The following ZNF605 variants were observed in gnomAD, a reference collection of about 807,000 sequenced individuals.
ZNF605 encodes zinc finger protein 605.
ZNF605 carries 9 observed loss-of-function variants against 7.9 expected under a neutral mutation model. The ratio of observed to expected loss-of-function variants is 1.14; its 90% CI spans 0.68 to 1.98. ZNF605 has a LOEUF of 1.98. ZNF605 is among the 30% of genes most tolerant of loss of function. The pLI is 0.00. For missense variants in ZNF605, 673 were observed against 762.4 expected (o/e 0.88, Z 1.38); for synonymous variants, 255 against 260.1 (o/e 0.98, Z 0.19).
At chr12:132,939,458 G>A (rs1952408961) in intron 3 of ZNF605, among the ~76,000 whole-genome samples, 1 of 152,160 alleles carries the variant, frequency 6.6e-6, no homozygotes, top group Admixed American at 6.5e-5. Context: ...TTTTGCTCAA[G>A]GTTTGTGAAT....
At position 132,925,900 on chromosome 12, in the gene ZNF605, GTGATA is replaced by G; in HGVS notation, c.1394_1398del (p.Ile465ThrfsTer8). 4 of 1,614,158 alleles carry G rather than the reference GTGATA, an allele frequency of 2.5e-6. No individual in the cohort carries two copies. The highest frequency in any genetic ancestry group is 3.4e-6 in the Non-Finnish European group (4 of 1,180,012). On this transcript the variant is annotated frameshift_variant, in exon 5 of 5. Transcript: ENST00000360187. LOFTEE classifies it low-confidence loss of function (END_TRUNC). The stretch of plus-strand genomic sequence containing the variant: ...TTCTCACCTGTATGTGTTCTCTGAT[GTGATA>G]TCAGGCTTGACTTCTGGGTGAAGGC...
intron 4 of ZNF605, chr12:132,932,812 A>T: frequency 6.5e-7 from 1 of 1,533,868 alleles, no homozygotes; most frequent in Non-Finnish European, 8.7e-7. Context: ...AAACCTGTCG[A>T]TTGGAAACAC....
rs1952186990 is a variant in ZNF605, at chr12:132,919,754, T to C, written c.*5619A>G. The C allele has an allele frequency of 6.6e-6, 1 of 152,164 alleles. No individual in the cohort carries two copies. Among genetic ancestry groups the C allele is most frequent in the African/African-American group, 2.4e-5 (1 of 41,442 alleles). The allele number at this position is 152,164 out of a possible 1,614,324, so 9.4% of individuals were successfully genotyped here. A position where few individuals can be genotyped will look rare whatever the true frequency, so the allele number is the denominator to read the frequency against. ...GTCCCTTCACTTACATTTCTTTTCA[T>C]CTTAACAGTGAATGCCTCGATAGCT... On this transcript the variant is annotated 3_prime_UTR_variant, in exon 5 of 5. Coordinates refer to ENST00000360187, the MANE Select transcript of ZNF605 (RefSeq NM_183238.4).
At position 132,934,211 on chromosome 12, in the gene ZNF605, G is replaced by A. The variant is rs1466654072; in HGVS notation, c.16-1056C>T. 3.3e-5 allele frequency among the ~76,000 whole-genome samples: 5 copies of A among 151,862 alleles called. No homozygotes were observed. In the East Asian group the frequency reaches 7.8e-4, roughly 24 times the overall value. On this transcript the variant is annotated intron_variant, in intron 3 of 4. Coordinates refer to ENST00000360187, the MANE Select transcript of ZNF605 (RefSeq NM_183238.4). Reference sequence around the variant, plus strand: ...GGAGAATCACTTGAACCTGGGAGGTGGAGGTTGCAGTGAGCCAAGATCGTG... The same window carrying A: ...GGAGAATCACTTGAACCTGGGAGGTAGAGGTTGCAGTGAGCCAAGATCGTG...
rs2137133383 is a variant in ZNF605, at chr12:132,933,073, T to C, written c.98A>G (p.Asp33Gly). 1 of 1,610,536 alleles carries C rather than the reference T, an allele frequency of 6.2e-7. No homozygotes were observed. Residue 33 changes from aspartate to glycine, a missense_variant, in exon 4 of 5, where the codon GAT becomes GGT. By Grantham distance (94) the Asp-to-Gly change is moderately conservative. Transcript: ENST00000360187. This position sits in a 1 kb window ranked among gnomAD's most constrained non-coding sequence, Gnocchi z 4.4. Reference protein sequence around the residue: ...LNPTQKNLYRDVMLENYSNLV... With the variant: ...LNPTQKNLYRGVMLENYSNLV... Reference sequence around the variant, plus strand: ...ATTGCTATAGTTCTCCAACATCACATCTCTGTACAAGTTCTTCTGAGTAGG... The same window carrying C: ...ATTGCTATAGTTCTCCAACATCACACCTCTGTACAAGTTCTTCTGAGTAGG...
chr12:132,932,189 C>T (rs1305359892), intron 4 of ZNF605, among the ~76,000 whole-genome samples: 2 of 152,052 alleles, frequency 1.3e-5, no homozygotes, highest in Admixed American at 6.6e-5. Flanking sequence ...AAGTGACTGT[C>T]GTGCCCTGCC....
At chr12:132,949,954 C>A (rs796392745) in intron 1 of ZNF605, among the ~76,000 whole-genome samples, 3 of 152,122 alleles carry the variant, frequency 2.0e-5, no homozygotes, top group African/African-American at 7.2e-5. Flanking sequence ...GGCAGATTCT[C>A]GAGAAAAAAC....
At chr12:132,944,033 A>G (rs1449101556) in intron 3 of ZNF605, among the ~76,000 whole-genome samples, 1 of 152,164 alleles carries the variant, frequency 6.6e-6, no homozygotes, top group Non-Finnish European at 1.5e-5. Context: ...AATAATATTG[A>G]TTCTTATAAA....
Position 132,926,832 on chromosome 12 carries a change from G to A in ZNF605, c.467C>T (p.Pro156Leu), listed in dbSNP as rs1416667315. The A allele has an allele frequency of 1.2e-6, 2 of 1,614,174 alleles. No individual in the cohort carries two copies. Among genetic ancestry groups the A allele is most frequent in the Admixed American group, 3.3e-5 (2 of 60,018 alleles). The change falls in exon 5 of 5, where the codon CCA (proline) becomes CTA (leucine). Residue 156 changes from proline (P) to leucine (L), a missense_variant. By Grantham distance (98) the Pro-to-Leu change is moderately conservative (BLOSUM62 -3). Coordinates refer to ENST00000360187, the MANE Select transcript of ZNF605 (RefSeq NM_183238.4). ...STCRKSSNEE[P>L]WLTANHITHT... Reference sequence around the variant, plus strand: ...TGTTATGTGATTAGCAGTGAGCCATGGCTCTTCGTTGCTGGATTTTCTACA... The same window carrying A: ...TGTTATGTGATTAGCAGTGAGCCATAGCTCTTCGTTGCTGGATTTTCTACA...
At chr12:132,940,661 C>A (rs560195282) in intron 3 of ZNF605, among the ~76,000 whole-genome samples, 1 of 152,210 alleles carries the variant, frequency 6.6e-6, no homozygotes, top group Non-Finnish European at 1.5e-5. Context: ...GGCTAGTTCC[C>A]TGGCCATTGG....
At position 132,926,619 on chromosome 12, in the gene ZNF605, C is replaced by A; in HGVS notation, c.680G>T (p.Cys227Phe). 1.9e-6 allele frequency: 3 copies of A among 1,614,194 alleles called. No individual in the cohort carries two copies. The highest frequency in any genetic ancestry group is 2.5e-6 in the Non-Finnish European group (3 of 1,180,042). Reference sequence around the variant, plus strand: ...ACTAAAAGCTTTCTGACATTCGCTGCACCCATGCGGTTTTTCTCCTGAGTG... The same window carrying A: ...ACTAAAAGCTTTCTGACATTCGCTGAACCCATGCGGTTTTTCTCCTGAGTG... ...RTHSGEKPHG[C>F]SECQKAFSRK... Residue 227 changes from cysteine to phenylalanine, a missense_variant, in exon 5 of 5, where the codon TGC (cysteine) becomes TTC (phenylalanine). Coordinates refer to ENST00000360187, the MANE Select transcript of ZNF605 (RefSeq NM_183238.4).
In ZNF605 at chr12:132,921,295, ATT is replaced by A. The variant is rs1239890757; in HGVS notation, c.*4076_*4077del. 1 of 152,190 alleles carries A rather than the reference ATT, an allele frequency of 6.6e-6. No homozygotes were observed. The highest frequency in any genetic ancestry group is 1.5e-5 in the Non-Finnish European group (1 of 68,040). The allele number at this position is 152,190 out of a possible 1,614,324, so 9.4% of individuals were successfully genotyped here. A position where few individuals can be genotyped will look rare whatever the true frequency, so the allele number is the denominator to read the frequency against. On this transcript the variant is annotated 3_prime_UTR_variant, in exon 5 of 5. Transcript: ENST00000360187. ...TGAAAAGTTACTTTGGATATAACTG[ATT>A]TGAATTTTATTCTTGTGAAATAGTG...
In ZNF605 at chr12:132,925,320, AGAAAG is replaced by A; in HGVS notation, c.*48_*52del. On this transcript the variant is annotated 3_prime_UTR_variant, in exon 5 of 5. Transcript: ENST00000360187. ...TCCCACATGCATCCTCAAAAGTGTCAGAAAGTATGACACTTGATAGCAACCTTTCT... is the reference window on the plus strand; with the variant it reads ...TCCCACATGCATCCTCAAAAGTGTCATATGACACTTGATAGCAACCTTTCT... 1 of 1,377,710 alleles carries A rather than the reference AGAAAG, an allele frequency of 7.3e-7. No homozygotes were observed. The highest frequency in any genetic ancestry group is 9.9e-7 in the Non-Finnish European group (1 of 1,013,060). The allele number at this position is 1,377,710 out of a possible 1,614,324, so 85.3% of individuals were successfully genotyped here.
intron 3 of ZNF605, among the ~76,000 whole-genome samples, chr12:132,937,230 G>A (rs1593588986): frequency 2.0e-5 from 3 of 151,950 alleles, no homozygotes; most frequent in South Asian, 2.1e-4. Flanking sequence ...ATGGTGACAC[G>A]CACCTGTAAT....
intron 1 of ZNF605, among the ~76,000 whole-genome samples, chr12:132,951,596 C>G (rs1389295870): frequency 4.6e-5 from 7 of 151,360 alleles, no homozygotes; most frequent in Non-Finnish European, 8.8e-5. Context: ...TGCACACACT[C>G]AGACACAGAT....
At position 132,925,548 on chromosome 12, in the gene ZNF605, G is replaced by A. The variant is rs1436821021; in HGVS notation, c.1751C>T (p.Thr584Ile). Residue 584 changes from threonine (T) to isoleucine (I), a missense_variant, in exon 5 of 5, where the codon ACA (threonine) becomes ATA (isoleucine). Transcript: ENST00000360187. ...AQLIIHQRIHTGERPYKCGEC... is the reference protein window; with the variant it reads ...AQLIIHQRIHIGERPYKCGEC... ...ACCACATTTATATGGTCTCTCTCCT[G>A]TATGAATTCTCTGATGTATAATCAG... The A allele has an allele frequency of 5.6e-6, 9 of 1,613,988 alleles. No individual in the cohort carries two copies. The African/African-American group carries it at 1.1e-4, about 19-fold the overall frequency.
Position 132,925,193 on chromosome 12 carries a change from ACT to A in ZNF605, c.*178_*179del, listed in dbSNP as rs1020072664. On this transcript the variant is annotated 3_prime_UTR_variant, in exon 5 of 5. Transcript: ENST00000360187. ...TCTTCTGGGAGATGACTTTTTTTACACTGTTTGCTTTTTAAAAACTTCTCTTT... is the reference window on the plus strand; with the variant it reads ...TCTTCTGGGAGATGACTTTTTTTACAGTTTGCTTTTTAAAAACTTCTCTTT... The A allele has an allele frequency of 3.8e-5, 20 of 524,760 alleles. No homozygotes were observed. The highest frequency in any genetic ancestry group is 2.4e-4 in the East Asian group (8 of 33,002). The allele number at this position is 524,760 out of a possible 1,614,324, so 32.5% of individuals were successfully genotyped here. A position where few individuals can be genotyped will look rare whatever the true frequency, so the allele number is the denominator to read the frequency against.
chr12:132,940,619 T>C (rs1952426370), intron 3 of ZNF605, among the ~76,000 whole-genome samples: 1 of 152,048 alleles, frequency 6.6e-6, no homozygotes, highest in East Asian at 1.9e-4. Context: ...CAGAGCAGCA[T>C]AGGAAGACTG....
chr12:132,949,780 G>A (rs1263835735), intron 1 of ZNF605, among the ~76,000 whole-genome samples: 1 of 152,192 alleles, frequency 6.6e-6, no homozygotes, highest in Non-Finnish European at 1.5e-5. Context: ...CCAAACCGTG[G>A]TGAATGGCAG....
Sources: gnomAD v4.1 joint callset for allele counts (sites outside exome capture counted in the v4.1 genomes callset) on GRCh38, gnomAD v4.1.1 for gene constraint, Gnocchi (gnomAD v3.1) non-coding constraint, MANE v1.5 for transcripts, NCBI Gene and HGNC (gene_info 2026-07-23, HGNC 2026-07-21) for gene names.